Variants in CTTNBP2 observed in about 807,000 individuals in gnomAD.
CTTNBP2 encodes cortactin-binding protein 2.
CTTNBP2 carries 108 observed loss-of-function variants against 156.9 expected under a neutral mutation model. The observed-to-expected ratio is 0.69, with a 90% CI of 0.59 to 0.81. The LOEUF (loss-of-function observed/expected upper bound fraction) is 0.81, where lower values mean the gene tolerates loss of function less well. CTTNBP2 is among the 30% of genes least tolerant of loss of function. The pLI, the probability that CTTNBP2 is intolerant of heterozygous loss-of-function variation, is 0.00. For missense variants in CTTNBP2, 1,924 were observed against 2,035.4 expected (o/e 0.95, Z 1.05); for synonymous variants, 767 against 751.8 (o/e 1.02, Z -0.33).
In CTTNBP2 at chr7:117,832,999, C is replaced by A. The variant is rs868089481; in HGVS notation, c.190-22010G>T. Among the ~76,000 whole-genome samples, 32 of 152,104 alleles carry A rather than the reference C, an allele frequency of 2.1e-4. No homozygotes were observed. In the Middle Eastern group the frequency reaches 0.024, roughly 114 times the overall value. ...CTCAAACTCCTGAACTTGTGATCCA[C>A]CCACCTCGGCCTCCCAAAGTGCTGG... is the stretch of plus-strand genomic sequence containing the variant. On this transcript the variant is annotated intron_variant, in intron 2 of 22. Coordinates refer to ENST00000160373, the MANE Select transcript of CTTNBP2 (RefSeq NM_033427.3).
rs12531275 is a variant in CTTNBP2, at chr7:117,736,306, A to G, written c.3536-885T>C. On this transcript the variant is annotated intron_variant, in intron 14 of 22. Transcript: ENST00000160373. ...CCTGCCTGTACAAAAAATACAAAAA[A>G]TTAGACAGATAGGGTGGCAGGCACC... is the stretch of plus-strand genomic sequence containing the variant. 7.0e-3 allele frequency among the ~76,000 whole-genome samples: 1,067 copies of G among 152,288 alleles called. 10 individuals are homozygous for G. Among genetic ancestry groups the G allele is most frequent in the African/African-American group, 0.024 (985 of 41,556 alleles).
intron 12 of CTTNBP2, among the ~76,000 whole-genome samples, chr7:117,754,177 C>T (rs1796765110): frequency 6.6e-6 from 1 of 152,154 alleles, no homozygotes. Context: ...TTCCCTGTAC[C>T]TCAAACACCC....
intron 14 of CTTNBP2, among the ~76,000 whole-genome samples, chr7:117,741,570 G>A (rs191578050): frequency 5.9e-5 from 9 of 152,082 alleles, no homozygotes; most frequent in South Asian, 2.1e-4. Context: ...GTATGCATTC[G>A]CAGCCTCCTT....
chr7:117,786,940 T>C (rs1211230652), intron 4 of CTTNBP2, among the ~76,000 whole-genome samples: 1 of 152,204 alleles, frequency 6.6e-6, no homozygotes. Flanking sequence ...AGAAGATATA[T>C]CAGTTGCCTT....
chr7:117,830,348 C>T (rs1289392311), intron 2 of CTTNBP2, among the ~76,000 whole-genome samples: 3 of 152,148 alleles, frequency 2.0e-5, no homozygotes, highest in South Asian at 2.1e-4. Context: ...TCATACTACA[C>T]GGCCGACAGC....
At chr7:117,776,294 T>C (rs1798095514) in intron 8 of CTTNBP2, among the ~76,000 whole-genome samples, 1 of 152,250 alleles carries the variant, frequency 6.6e-6, no homozygotes, top group African/African-American at 2.4e-5. Flanking sequence ...TATCCCTTCC[T>C]GATACCAATT....
At chr7:117,836,869 C>T (rs1801984632) in intron 2 of CTTNBP2, among the ~76,000 whole-genome samples, 1 of 152,280 alleles carries the variant, frequency 6.6e-6, no homozygotes, top group South Asian at 2.1e-4. Flanking sequence ...ACCAGGAGAA[C>T]AGTATGGGGG....
intron 2 of CTTNBP2, among the ~76,000 whole-genome samples, chr7:117,820,931 T>C (rs1250521011): frequency 6.6e-6 from 1 of 152,206 alleles, no homozygotes; most frequent in African/African-American, 2.4e-5. Context: ...AATTTTCATT[T>C]TGTCTTCAGC....
intron 2 of CTTNBP2, among the ~76,000 whole-genome samples, chr7:117,816,308 G>A (rs140103292): frequency 1.3e-3 from 191 of 152,332 alleles, no homozygotes; most frequent in African/African-American, 4.3e-3. Flanking sequence ...ATGGTTCACC[G>A]TGCTTTGTAA....
chr7:117,852,971 T>C (rs1380254149), intron 2 of CTTNBP2, among the ~76,000 whole-genome samples: 1 of 152,264 alleles, frequency 6.6e-6, no homozygotes, highest in Non-Finnish European at 1.5e-5. Flanking sequence ...AGCTTTACTT[T>C]CTCTGTTCCT....
At chr7:117,823,378 T>C (rs1161645539) in intron 2 of CTTNBP2, among the ~76,000 whole-genome samples, 1 of 152,244 alleles carries the variant, frequency 6.6e-6, no homozygotes, top group Middle Eastern at 3.2e-3. Flanking sequence ...AAAAAAATTG[T>C]TTAATATATT....
intron 2 of CTTNBP2, among the ~76,000 whole-genome samples, chr7:117,815,207 G>A (rs1401926788): frequency 1.3e-5 from 2 of 152,028 alleles, no homozygotes; most frequent in Non-Finnish European, 2.9e-5. Context: ...GTGCTTTTCG[G>A]TCTACAGTTT....
At chr7:117,776,187 A>C (rs945688271) in intron 8 of CTTNBP2, among the ~76,000 whole-genome samples, 1 of 152,112 alleles carries the variant, frequency 6.6e-6, no homozygotes, top group Non-Finnish European at 1.5e-5. Flanking sequence ...TTATCTTTTT[A>C]TTCAGCTCCC....
intron 4 of CTTNBP2, among the ~76,000 whole-genome samples, chr7:117,790,184 T>C (rs1416862885): frequency 6.6e-6 from 1 of 152,202 alleles, no homozygotes; most frequent in Non-Finnish European, 1.5e-5. Flanking sequence ...AACTTTGTCA[T>C]CCACATTTTG....
chr7:117,729,183 G>T (rs1299242828), intron 16 of CTTNBP2, among the ~76,000 whole-genome samples: 1 of 152,190 alleles, frequency 6.6e-6, no homozygotes, highest in African/African-American at 2.4e-5. Flanking sequence ...CATCGTAACG[G>T]AATCACATTT....
chr7:117,829,490 C>T (rs910322706), intron 2 of CTTNBP2, among the ~76,000 whole-genome samples: 2 of 152,192 alleles, frequency 1.3e-5, no homozygotes, highest in African/African-American at 2.4e-5. Context: ...ACTAAAGGTA[C>T]TCATTTCCTT....
In CTTNBP2 at chr7:117,791,262, C is replaced by T; in HGVS notation, c.1934G>A (p.Gly645Glu). 1 of 1,614,058 alleles carries T rather than the reference C, an allele frequency of 6.2e-7. No individual in the cohort carries two copies. Among genetic ancestry groups the T allele is most frequent in the Non-Finnish European group, 8.5e-7 (1 of 1,180,016 alleles). Residue 645 changes from glycine to glutamate, a missense_variant, in exon 4 of 23, where the codon GGA becomes GAA. Coordinates refer to ENST00000160373, the MANE Select transcript of CTTNBP2 (RefSeq NM_033427.3). Reference protein sequence around the residue: ...QVGAWPAATPGLNQPACSDSS... With the variant: ...QVGAWPAATPELNQPACSDSS... ...GTCTGAACATGCAGGTTGGTTCAGT[C>T]CGGGGGTTGCAGCAGGCCAGGCACC...
chr7:117,784,603 T>C, intron 4 of CTTNBP2, 149 bp from the exon 5 acceptor site: 1 of 532,646 alleles, frequency 1.9e-6, no homozygotes, highest in Non-Finnish European at 3.2e-6. Context: ...TCTGTTAATA[T>C]TTACTTAGCA....
At chr7:117,737,656 C>G (rs1182579979) in intron 14 of CTTNBP2, among the ~76,000 whole-genome samples, 1 of 152,144 alleles carries the variant, frequency 6.6e-6, no homozygotes, top group Non-Finnish European at 1.5e-5. Context: ...TCACTGCAAC[C>G]TCCACCTCCC....
Sources: allele counts gnomAD v4.1 joint callset (sites outside exome capture counted in the v4.1 genomes callset), GRCh38; gene constraint gnomAD v4.1.1; transcripts MANE v1.5; gene names NCBI Gene and HGNC (gene_info 2026-07-23, HGNC 2026-07-21).